RARB: variants seen among roughly 807,000 people sequenced by gnomAD.
RARB encodes retinoic acid receptor beta, also known as HBV-activated protein.
A neutral mutation model predicts 51.9 loss-of-function variants in RARB; 17 were observed. That is an observed-to-expected ratio of 0.33 (90% CI 0.22 to 0.49). The LOEUF is 0.49. RARB is among the 20% of genes least tolerant of loss of function. The probability of loss-of-function intolerance (pLI) is 0.99; values close to 1 mark genes in which losing one functional copy is unlikely to be tolerated. For synonymous variants in RARB, 215 were observed against 195.4 expected (o/e 1.10, Z -0.84); for missense variants, 369 against 550.8 (o/e 0.67, Z 3.30).
chr3:25,301,954 C>A (rs1638927373), intron 5 of RARB, among the ~76,000 whole-genome samples: 1 of 152,130 alleles, frequency 6.6e-6, no homozygotes, highest in African/African-American at 2.4e-5. Flanking sequence ...AGGACAGTGG[C>A]CCACAGGAGT....
At chr3:24,842,937 C>T (rs1702438003) in intron 1 of RARB, among the ~76,000 whole-genome samples, 1 of 152,222 alleles carries the variant, frequency 6.6e-6, no homozygotes. Flanking sequence ...GTAAACAGTC[C>T]TCACAGTATT....
chr3:24,880,492 G>A lies in RARB; in HGVS notation c.-380+21740G>A, dbSNP rs532027175. Among the ~76,000 whole-genome samples, 9 of 152,236 alleles carry A rather than the reference G, an allele frequency of 5.9e-5. No individual in the cohort carries two copies. In the East Asian group the frequency reaches 1.7e-3, roughly 29 times the overall value. On this transcript the variant is annotated intron_variant, in intron 2 of 11. Coordinates refer to the RARB transcript ENST00000383772. ...AAGTAGTTATGGTGGGGTAGTTGAA[G>A]ATACCTATTTGTTCTTCTTAATGAT...
At chr3:24,959,273 C>G (rs566048312) in intron 2 of RARB, among the ~76,000 whole-genome samples, 1 of 152,086 alleles carries the variant, frequency 6.6e-6, no homozygotes, top group Admixed American at 6.5e-5. Flanking sequence ...AAAATCAGGT[C>G]ACATGAATGA....
At chr3:25,028,170 G>A (rs1310027646) in intron 2 of RARB, among the ~76,000 whole-genome samples, 1 of 152,132 alleles carries the variant, frequency 6.6e-6, no homozygotes, top group African/African-American at 2.4e-5. Flanking sequence ...GACCAGCAAT[G>A]TCTCCTGGAA....
chr3:25,569,561 C>G (rs1039567796), intron 3 of RARB, among the ~76,000 whole-genome samples, 197 bp from the exon 4 acceptor site: 1 of 152,244 alleles, frequency 6.6e-6, no homozygotes, highest in African/African-American at 2.4e-5. Context: ...TACAGAAAGA[C>G]AAACCTAGCT....
chr3:24,865,656 A>G (rs1559376017), intron 2 of RARB, among the ~76,000 whole-genome samples: 1 of 152,140 alleles, frequency 6.6e-6, no homozygotes, highest in Admixed American at 6.5e-5. Flanking sequence ...ATGTAAACCT[A>G]GATATATTTT....
chr3:25,212,367 C>A (rs1160753679), intron 5 of RARB, among the ~76,000 whole-genome samples: 1 of 152,186 alleles, frequency 6.6e-6, no homozygotes, highest in Admixed American at 6.5e-5. Context: ...CGCCCATAAT[C>A]CCAGCACTTT....
intron 5 of RARB, among the ~76,000 whole-genome samples, chr3:25,354,773 C>T (rs756843429): frequency 4.3e-4 from 61 of 142,674 alleles, no homozygotes; most frequent in Non-Finnish European, 8.3e-4. Context: ...TAAAAAGCAG[C>T]CTGCGCTTTG....
intron 1 of RARB, among the ~76,000 whole-genome samples, chr3:24,849,353 A>G (rs1485365711): frequency 6.6e-6 from 1 of 152,252 alleles, no homozygotes; most frequent in African/African-American, 2.4e-5. Flanking sequence ...GTTCATGGAC[A>G]AAGTGAGAAT....
At chr3:24,886,469 G>GGA (rs1703268667) in intron 2 of RARB, among the ~76,000 whole-genome samples, 3 of 146,506 alleles carry the variant, frequency 2.0e-5, no homozygotes, top group African/African-American at 7.6e-5. Context: ...TTTTGAGACA[G>GGA]GATCTTGCTC....
chr3:25,449,088 G>C (rs1218475439), intron 1 of RARB, among the ~76,000 whole-genome samples: 2 of 152,064 alleles, frequency 1.3e-5, no homozygotes, highest in African/African-American at 4.8e-5. Flanking sequence ...GTAGGGGCTG[G>C]GGGCTCAGAG....
intron 2 of RARB, among the ~76,000 whole-genome samples, chr3:24,987,560 A>C (rs1293004353): frequency 1.3e-5 from 2 of 152,240 alleles, no homozygotes; most frequent in Non-Finnish European, 2.9e-5. Context: ...CAACATTAGA[A>C]ATATATTCCA....
At chr3:24,998,896 T>C (rs1048225298) in intron 2 of RARB, among the ~76,000 whole-genome samples, 2 of 152,166 alleles carry the variant, frequency 1.3e-5, no homozygotes, top group Admixed American at 6.6e-5. Context: ...ATAATAAATA[T>C]TGTGCTAGGA....
chr3:25,251,040 T>G (rs972284865), intron 5 of RARB, among the ~76,000 whole-genome samples: 2 of 152,140 alleles, frequency 1.3e-5, no homozygotes, highest in East Asian at 1.9e-4. Flanking sequence ...ACTGAAAGTG[T>G]TCTCTGTTAG....
At chr3:25,012,320 A>G (rs891567337) in intron 2 of RARB, among the ~76,000 whole-genome samples, 2 of 152,130 alleles carry the variant, frequency 1.3e-5, no homozygotes, top group African/African-American at 4.8e-5. Flanking sequence ...GTGGTTCACA[A>G]ATCTAGCTGA....
chr3:25,525,792 T>A (rs775679447), intron 3 of RARB, among the ~76,000 whole-genome samples: 16 of 152,276 alleles, frequency 1.1e-4, no homozygotes, highest in Non-Finnish European at 1.6e-4. Flanking sequence ...GGGTCTATTT[T>A]ATGAAAAGTG....
chr3:25,014,938 A>T lies in RARB; in HGVS notation c.-379-45187A>T, dbSNP rs1383001929. On this transcript the variant is annotated intron_variant, in intron 2 of 11. Coordinates refer to the RARB transcript ENST00000383772. ...CTTCTGTTTCTATTTGTCTTTATGG[A>T]GTCCACAAATATTAAAACCAATTGT... 3.9e-5 allele frequency among the ~76,000 whole-genome samples: 6 copies of T among 152,118 alleles called. No homozygotes were observed. The East Asian group carries it at 1.2e-3, about 29-fold the overall frequency.
chr3:24,912,598 G>C (rs553425881), intron 2 of RARB, among the ~76,000 whole-genome samples: 2 of 152,206 alleles, frequency 1.3e-5, no homozygotes, highest in African/African-American at 4.8e-5. Flanking sequence ...CCTAGAAACA[G>C]ATAAAAATGG....
rs531893623 is a variant in RARB at position 24,850,442 on chromosome 3, C to T, written c.-458-8232C>T. Among the ~76,000 whole-genome samples, 5 of 152,220 alleles carry T rather than the reference C, an allele frequency of 3.3e-5. No homozygotes were observed. In the South Asian group the frequency reaches 1.0e-3, roughly 32 times the overall value. On this transcript the variant is annotated intron_variant, in intron 1 of 11. Coordinates refer to the RARB transcript ENST00000383772. ...GTCATATAGGCAATTCTGGGCTCAA[C>T]AGGATGGGGATGTTAGATACTCCCA...
Sources: gnomAD v4.1 joint callset for allele counts (sites outside exome capture counted in the v4.1 genomes callset) on GRCh38, gnomAD v4.1.1 for gene constraint, MANE v1.5 for transcripts, NCBI Gene and HGNC (gene_info 2026-07-23, HGNC 2026-07-21) for gene names.